The following SYT1 variants were observed in gnomAD, a reference collection of about 807,000 sequenced individuals.
The protein encoded by SYT1 is synaptotagmin 1, also known as synaptotagmin-1.
SYT1 carries 8 observed loss-of-function variants against 44.8 expected under a neutral mutation model. That is an observed-to-expected ratio of 0.18 (90% CI 0.10 to 0.32). The LOEUF (loss-of-function observed/expected upper bound fraction) is 0.32. Ranked by LOEUF, SYT1 falls within the 10% of genes least tolerant of loss-of-function variation. The pLI, the probability that SYT1 is intolerant of heterozygous loss-of-function variation, is 1.00. For missense variants in SYT1, 286 were observed against 509.3 expected, an observed-to-expected ratio of 0.56 and a Z score of 4.22; for synonymous variants, 154 against 188.8, an observed-to-expected ratio of 0.82 and a Z score of 1.51.
chr12:79,146,785 A>T (rs888365650), intron 3 of SYT1, among the ~76,000 whole-genome samples: 3 of 152,162 alleles, frequency 2.0e-5, no homozygotes, highest in African/African-American at 7.2e-5. Flanking sequence ...CCTGGGTTTT[A>T]AAAAAATTGT....
chr12:78,944,045 C>T (rs1401375340), intron 1 of SYT1, among the ~76,000 whole-genome samples: 1 of 151,888 alleles, frequency 6.6e-6, no homozygotes, highest in Non-Finnish European at 1.5e-5. Flanking sequence ...CTTTCAGAAA[C>T]TTATACCTTT....
intron 6 of SYT1, among the ~76,000 whole-genome samples, chr12:79,293,451 G>C (rs887629500): frequency 6.6e-6 from 1 of 151,682 alleles, no homozygotes; most frequent in African/African-American, 2.4e-5. Flanking sequence ...AAGTAGGAAA[G>C]TTTTAAACCT....
At chr12:79,186,860 G>A (rs1872830328) in intron 3 of SYT1, among the ~76,000 whole-genome samples, 1 of 151,966 alleles carries the variant, frequency 6.6e-6, no homozygotes, top group East Asian at 1.9e-4. Flanking sequence ...AAATAGTCAC[G>A]TTAATTATAC....
At chr12:79,044,016 C>T (rs1873802707) in intron 2 of SYT1, among the ~76,000 whole-genome samples, 1 of 152,156 alleles carries the variant, frequency 6.6e-6, no homozygotes, top group Non-Finnish European at 1.5e-5. Flanking sequence ...TGATGGGCTT[C>T]CCTTTGTGGG....
intron 1 of SYT1, among the ~76,000 whole-genome samples, chr12:78,883,352 T>G (rs1371648247): frequency 6.6e-6 from 1 of 151,706 alleles, no homozygotes; most frequent in East Asian, 1.9e-4. Flanking sequence ...GTATCATCCT[T>G]CTTGATTTTT....
chr12:79,277,738 C>T (rs995167738), intron 4 of SYT1, among the ~76,000 whole-genome samples: 4 of 151,964 alleles, frequency 2.6e-5, no homozygotes, highest in Non-Finnish European at 4.4e-5. Flanking sequence ...TGATAAAATA[C>T]ATAATCCAAA....
intron 3 of SYT1, among the ~76,000 whole-genome samples, chr12:79,205,474 A>T (rs1474772967): frequency 6.6e-6 from 1 of 152,172 alleles, no homozygotes; most frequent in Non-Finnish European, 1.5e-5. Context: ...TTTATAGAGA[A>T]ATGAATGCGT....
At chr12:79,195,061 C>G (rs982731492) in intron 3 of SYT1, among the ~76,000 whole-genome samples, 10 of 152,058 alleles carry the variant, frequency 6.6e-5, no homozygotes, top group Non-Finnish European at 1.2e-4. Context: ...TTAACTGAGC[C>G]CATTTTGCAT....
At chr12:79,425,321 T>G (rs1408639841) in intron 9 of SYT1, among the ~76,000 whole-genome samples, 1 of 152,148 alleles carries the variant, frequency 6.6e-6, no homozygotes, top group East Asian at 1.9e-4. Context: ...ACCTCAAAAG[T>G]TTCAAAAGTT....
intron 3 of SYT1, among the ~76,000 whole-genome samples, chr12:79,155,702 A>T (rs1870550251): frequency 6.6e-6 from 1 of 152,224 alleles, no homozygotes; most frequent in African/African-American, 2.4e-5. Context: ...ACAATTACAA[A>T]TATCTAGTTT....
chr12:79,165,052 A>G (rs1871154158), intron 3 of SYT1, among the ~76,000 whole-genome samples: 1 of 152,008 alleles, frequency 6.6e-6, no homozygotes, highest in Non-Finnish European at 1.5e-5. Flanking sequence ...AAGCAATAAT[A>G]GGGTTGTTGG....
At chr12:79,346,496 A>G (rs1882613597) in intron 8 of SYT1, among the ~76,000 whole-genome samples, 1 of 152,204 alleles carries the variant, frequency 6.6e-6, no homozygotes, top group African/African-American at 2.4e-5. Context: ...AATTACACAT[A>G]AAGCTGAAAT....
At chr12:78,883,054 AT>A (rs1232172371) in intron 1 of SYT1, among the ~76,000 whole-genome samples, 5 of 151,714 alleles carry the variant, frequency 3.3e-5, no homozygotes, top group African/African-American at 9.7e-5. Context: ...TTTTAAAAAA[AT>A]ATCTTATTAC....
At chr12:79,298,611 C>A (rs1018215112) in intron 7 of SYT1, among the ~76,000 whole-genome samples, 4 of 152,142 alleles carry the variant, frequency 2.6e-5, no homozygotes, top group Non-Finnish European at 5.9e-5. Context: ...TTGGATTGCA[C>A]TGCTTTCACT....
intron 8 of SYT1, among the ~76,000 whole-genome samples, chr12:79,342,137 A>G (rs1882404835): frequency 6.6e-6 from 1 of 152,216 alleles, no homozygotes; most frequent in Non-Finnish European, 1.5e-5. Flanking sequence ...AGTAGGAAAT[A>G]GAACTTGAAG....
intron 1 of SYT1, among the ~76,000 whole-genome samples, chr12:78,876,791 A>AT (rs1415733794): frequency 2.2e-5 from 2 of 92,142 alleles, no homozygotes; most frequent in African/African-American, 9.5e-5. Context: ...TATATAATAC[A>AT]TATAATATAT....
chr12:79,249,091 T>TC (rs1167075181), intron 4 of SYT1, among the ~76,000 whole-genome samples: 2 of 95,502 alleles, frequency 2.1e-5, no homozygotes, highest in South Asian at 3.5e-4. Context: ...CCTCTTTCTT[T>TC]TTTTTTTTTT....
intron 9 of SYT1, among the ~76,000 whole-genome samples, chr12:79,375,032 C>G (rs1883936044): frequency 1.3e-5 from 2 of 152,238 alleles, no homozygotes; most frequent in Admixed American, 6.5e-5. Context: ...TAGCTGTGTT[C>G]TAATCAAACT....
intron 3 of SYT1, among the ~76,000 whole-genome samples, chr12:79,154,062 A>G (rs1870443569): frequency 6.6e-6 from 1 of 152,100 alleles, no homozygotes. Context: ...TATAGCTTAG[A>G]CTTCAGATAC....
Sources: allele counts gnomAD v4.1 joint callset (sites outside exome capture counted in the v4.1 genomes callset), GRCh38; gene constraint gnomAD v4.1.1; transcripts MANE v1.5; gene names NCBI Gene and HGNC (gene_info 2026-07-23, HGNC 2026-07-21).